PEAK1: variants seen among roughly 807,000 people sequenced by gnomAD.
PEAK1 encodes the protein inactive tyrosine-protein kinase PEAK1.
In PEAK1, 54 loss-of-function variants were observed where a neutral mutation model predicts 124.7. The observed-to-expected ratio is 0.43, with a 90% CI of 0.35 to 0.54. PEAK1 has a LOEUF of 0.54. PEAK1 is among the 20% of genes least tolerant of loss of function. The pLI, the probability that PEAK1 is intolerant of heterozygous loss-of-function variation, is 0.01. For synonymous variants in PEAK1, 719 were observed against 760.0 expected, an observed-to-expected ratio of 0.95 and a Z score of 0.89; for missense variants, 2,046 against 2,134.5, an observed-to-expected ratio of 0.96 and a Z score of 0.82.
chr15:77,277,988 C>G (rs2152962331), intron 5 of PEAK1, among the ~76,000 whole-genome samples: 1 of 152,236 alleles, frequency 6.6e-6, no homozygotes, highest in East Asian at 1.9e-4. Flanking sequence ...AGAGTGAACC[C>G]TAATGTAAAC....
Position 77,180,737 on chromosome 15 carries a change from T to C in PEAK1, c.1190A>G (p.Lys397Arg). The change falls in exon 7 of 10, where the codon AAA becomes AGA. Residue 397 changes from lysine to arginine, a missense_variant. Coordinates refer to ENST00000682557, the MANE Select transcript of PEAK1 (RefSeq NM_001385026.1). ...GCTTTTGGAAGCCTGTGATGAATCT[T>C]TATCCTGATTATTACTAGAGGGACT... is the stretch of plus-strand genomic sequence containing the variant. ...YESPSSNNQD[K>R]DSSQASKSSI... 6.2e-7 allele frequency: 1 copy of C among 1,614,102 alleles called. No homozygotes were observed.
At chr15:77,349,598 G>A in intron 2 of PEAK1, 1 of 984,782 alleles carries the variant, frequency 1.0e-6, no homozygotes, top group Non-Finnish European at 1.2e-6. Context: ...ATATATGCTT[G>A]AGTATGATAC....
upstream of PEAK1, chr15:77,420,509 T>C (rs542112881): frequency 8.6e-5 from 16 of 185,994 alleles, no homozygotes; most frequent in Middle Eastern, 1.9e-3. Flanking sequence ...CTGGGCCCAT[T>C]TGGGCGTCGG....
chr15:77,187,351 C>G (rs2057597603), intron 6 of PEAK1, among the ~76,000 whole-genome samples: 1 of 152,094 alleles, frequency 6.6e-6, no homozygotes, highest in Non-Finnish European at 1.5e-5. Context: ...TTTTTATTCT[C>G]TCTACTGCCA....
intron 6 of PEAK1, among the ~76,000 whole-genome samples, chr15:77,244,975 A>G (rs904143916): frequency 6.6e-6 from 1 of 152,220 alleles, no homozygotes; most frequent in Admixed American, 6.5e-5. Context: ...CATAATGTAT[A>G]CACATTTTCT....
rs532727463 is a variant in PEAK1, at chr15:77,304,472, G to A, written c.-602-17968C>T. ...TTTTTTTTTTTTTTTTTTTTGAGACGGAGTCTCGCTCTGTCTCCCAGGCTG... is the reference window on the plus strand; with the variant it reads ...TTTTTTTTTTTTTTTTTTTTGAGACAGAGTCTCGCTCTGTCTCCCAGGCTG... On this transcript the variant is annotated intron_variant, in intron 2 of 9. Transcript: ENST00000682557. Among the ~76,000 whole-genome samples the A allele has an allele frequency of 6.6e-5, 8 of 120,822 alleles. No homozygotes were observed. In the East Asian group the frequency reaches 9.4e-4, roughly 14 times the overall value. 79.3% of individuals were successfully genotyped at this position (120,822 alleles called of 152,430 possible).
chr15:77,118,099 G>A (rs751027247), intron 9 of PEAK1, among the ~76,000 whole-genome samples: 13 of 152,188 alleles, frequency 8.5e-5, no homozygotes, highest in Non-Finnish European at 1.3e-4. Context: ...TGAGTGGGCA[G>A]CACTTCCTTA....
chr15:77,313,609 G>C (rs2064618338), intron 2 of PEAK1, among the ~76,000 whole-genome samples: 1 of 148,638 alleles, frequency 6.7e-6, no homozygotes, highest in Non-Finnish European at 1.5e-5. Context: ...TGGGATTACA[G>C]GCATGCACCA....
At chr15:77,371,437 C>A in intron 1 of PEAK1, 1 of 982,572 alleles carries the variant, frequency 1.0e-6, no homozygotes, top group South Asian at 4.7e-5. Flanking sequence ...TCAAAACCAT[C>A]TTTGAAGCAA....
rs181254407 is a variant in PEAK1, at chr15:77,349,079, G to A, written c.-603+16084C>T. ...TTTTGAGGCGGAGTCTCACTCTGTC[G>A]CCCAGGCTAGAGTGCAGTGGTGTGA... is the stretch of plus-strand genomic sequence containing the variant. On this transcript the variant is annotated intron_variant, in intron 2 of 9. Coordinates refer to ENST00000682557, the MANE Select transcript of PEAK1 (RefSeq NM_001385026.1). 1.4e-3 allele frequency: 1,165 copies of A among 820,434 alleles called. 6 individuals carry two copies. The African/African-American group carries it at 0.02, about 14-fold the overall frequency. The allele number at this position is 820,434 out of a possible 1,614,324, so 50.8% of individuals were successfully genotyped here.
intron 2 of PEAK1, among the ~76,000 whole-genome samples, chr15:77,341,243 C>CGGTG (rs2066511334): frequency 3.9e-5 from 6 of 152,024 alleles, no homozygotes; most frequent in Admixed American, 3.9e-4. Flanking sequence ...TGGCTCACAC[C>CGGTG]GCCTGTAATC....
intron 6 of PEAK1, among the ~76,000 whole-genome samples, chr15:77,250,463 C>T (rs2060828007): frequency 6.6e-6 from 1 of 151,064 alleles, no homozygotes; most frequent in Non-Finnish European, 1.5e-5. Flanking sequence ...GATGGAGTCT[C>T]GCTCTGCTGC....
intron 1 of PEAK1, among the ~76,000 whole-genome samples, chr15:77,401,388 T>C (rs1277073563): frequency 6.6e-6 from 1 of 152,216 alleles, no homozygotes; most frequent in African/African-American, 2.4e-5. Flanking sequence ...GGTTTAATTT[T>C]AGCACTAATT....
At chr15:77,260,554 T>C (rs535987567) in intron 5 of PEAK1, among the ~76,000 whole-genome samples, 7 of 152,000 alleles carry the variant, frequency 4.6e-5, no homozygotes, top group Admixed American at 3.3e-4. Context: ...GTGACAGAAA[T>C]AGAGGATTTT....
rs80276217 is a variant in PEAK1, at chr15:77,289,558, G to T, written c.-602-3054C>A. Among the ~76,000 whole-genome samples, 1,183 of 152,224 alleles carry T rather than the reference G, an allele frequency of 7.8e-3. 13 individuals carry two copies. The highest frequency in any genetic ancestry group is 8.1e-3 in the Non-Finnish European group (554 of 68,014). Reference sequence around the variant, plus strand: ...AATCCTTAAACTTAAATACACGACCGGGTGCAGTGCCTCACGCCTGTAATC... The same window carrying T: ...AATCCTTAAACTTAAATACACGACCTGGTGCAGTGCCTCACGCCTGTAATC... On this transcript the variant is annotated intron_variant, in intron 2 of 9. Coordinates refer to ENST00000682557, the MANE Select transcript of PEAK1 (RefSeq NM_001385026.1).
chr15:77,107,495 C>A (rs1014221002), downstream of PEAK1: 1 of 152,252 alleles, frequency 6.6e-6, no homozygotes, highest in Non-Finnish European at 1.5e-5. Context: ...ACAGTGTCCA[C>A]TGTAAAGGGT....
chr15:77,180,993 T>C lies in PEAK1; in HGVS notation c.934A>G (p.Ser312Gly). The part of the protein sequence containing the change: ...QRICAVDYDD[S>G]YDEILNGYEE... ...TAACCATTCAGGATTTCATCATAGC[T>C]GTCATCATAGTCCACAGCACAGATT... Residue 312 changes from serine to glycine, a missense_variant, in exon 7 of 10, where the codon AGC (serine) becomes GGC (glycine). Physicochemically the swap from Ser to Gly is moderately conservative, Grantham distance 56. Coordinates refer to ENST00000682557, the MANE Select transcript of PEAK1 (RefSeq NM_001385026.1). 6.2e-7 allele frequency: 1 copy of C among 1,614,198 alleles called. No homozygotes were observed. The highest frequency in any genetic ancestry group is 2.2e-5 in the East Asian group (1 of 44,884).
rs1030207224 is a variant in PEAK1 at position 77,111,681 on chromosome 15, T to C, written c.*2475A>G. On this transcript the variant is annotated 3_prime_UTR_variant, in exon 10 of 10. Transcript: ENST00000682557. ...GGAGGTGTCCATGCTTATTATACCATAGAGTTAAAGTGAAGACTGGATCCA... is the reference window on the plus strand; with the variant it reads ...GGAGGTGTCCATGCTTATTATACCACAGAGTTAAAGTGAAGACTGGATCCA... 5 of 149,496 alleles carry C rather than the reference T, an allele frequency of 3.3e-5. No homozygotes were observed. The highest frequency in any genetic ancestry group is 1.3e-4 in the African/African-American group (5 of 39,206). 9.3% of individuals were successfully genotyped at this position (149,496 alleles called of 1,614,324 possible).
downstream of PEAK1, chr15:77,107,720 A>G (rs532192318): frequency 6.6e-6 from 1 of 152,348 alleles, no homozygotes; most frequent in African/African-American, 2.4e-5. Context: ...AATCTTGCAG[A>G]TGATGCAGTA....
Sources: allele counts gnomAD v4.1 joint callset (sites outside exome capture counted in the v4.1 genomes callset), GRCh38; gene constraint gnomAD v4.1.1; transcripts MANE v1.5; gene names NCBI Gene and HGNC (gene_info 2026-07-23, HGNC 2026-07-21).